The following AHDC1 variants were observed in gnomAD, a reference collection of about 807,000 sequenced individuals.
AHDC1 encodes the protein transcription factor Gibbin.
In AHDC1, 7 loss-of-function variants were observed where a neutral mutation model predicts 87.9. The observed-to-expected ratio is 0.08, with a 90% CI of 0.05 to 0.15. The LOEUF is 0.15. Ranked by LOEUF, AHDC1 falls within the 10% of genes least tolerant of loss-of-function variation. The pLI is 1.00. For synonymous variants in AHDC1, 1,051 were observed against 1,006.8 expected, an observed-to-expected ratio of 1.04 and a Z score of -0.83; for missense variants, 1,841 against 2,253.2, an observed-to-expected ratio of 0.82 and a Z score of 3.70.
chr1:27,549,579 G>A lies in AHDC1; in HGVS notation c.2537C>T (p.Ser846Leu), dbSNP rs749054616. The change falls in exon 8 of 9, where the codon TCG becomes TTG. Residue 846 changes from serine to leucine, a missense_variant. Physicochemically the swap from Ser to Leu is moderately radical, Grantham distance 145. Coordinates refer to ENST00000673934, the MANE Select transcript of AHDC1 (RefSeq NM_001371928.1). ...GTCCAAGAGATCGGAGGAGTCATCC[G>A]AATCGAGCAGCGAGCGAAAGTAGCC... ...FTGYFRSLLD[S>L]DDSSDLLDFA... 3.7e-6 allele frequency: 6 copies of A among 1,613,178 alleles called. No individual in the cohort carries two copies. The highest frequency in any genetic ancestry group is 2.2e-5 in the South Asian group (2 of 91,084).
At position 27,551,309 on chromosome 1, in the gene AHDC1, G is replaced by C. The variant is rs374019808; in HGVS notation, c.807C>G (p.Pro269=). 1.2e-6 allele frequency: 2 copies of C among 1,611,782 alleles called. No homozygotes were observed. The highest frequency in any genetic ancestry group is 4.5e-5 in the East Asian group (2 of 44,828). ...GGTCCAGGAGCTGAGGCTCCGGCTC[G>C]GGCGATGGTGGCTCGAGGGCCTGGG... ...LEAQALEPPS[P]EPEPQLLDPQ... Residue 269 remains proline, a synonymous_variant, in exon 8 of 9, where the codon CCC becomes CCG. Transcript: ENST00000673934.
intron 3 of AHDC1, among the ~76,000 whole-genome samples, chr1:27,585,707 C>A (rs1370429931): frequency 6.6e-6 from 1 of 152,116 alleles, no homozygotes; most frequent in African/African-American, 2.4e-5. Context: ...CCTCCAGAGG[C>A]AGAGGACCCC....
intron 3 of AHDC1, among the ~76,000 whole-genome samples, chr1:27,572,352 C>T (rs1019852951): frequency 6.6e-6 from 1 of 152,130 alleles, no homozygotes; most frequent in Non-Finnish European, 1.5e-5. Flanking sequence ...TGGGGCCCCC[C>T]TCTGTACAAA....
At chr1:27,591,217 C>A (rs2089212527) in intron 3 of AHDC1, among the ~76,000 whole-genome samples, 1 of 152,186 alleles carries the variant, frequency 6.6e-6, no homozygotes, top group Non-Finnish European at 1.5e-5. Context: ...GACCCCTGCA[C>A]CCTCCTAGAA....
In AHDC1 at chr1:27,595,750, T is replaced by C. The variant is rs574568274; in HGVS notation, c.-629+7647A>G. ...GATATCAGAGATGTGCCACAGGCTA[T>C]CGTCCGTGCATGCACAGGTATGAGG... On this transcript the variant is annotated intron_variant, in intron 3 of 8. Coordinates refer to ENST00000673934, the MANE Select transcript of AHDC1 (RefSeq NM_001371928.1). The surrounding 1 kb of genome is among the most constrained non-coding windows in gnomAD (Gnocchi z 4.0). 6.6e-6 allele frequency among the ~76,000 whole-genome samples: 1 copy of C among 152,038 alleles called. No individual in the cohort carries two copies. Among genetic ancestry groups the C allele is most frequent in the Admixed American group, 6.5e-5 (1 of 15,288 alleles).
rs372554739 is a variant in AHDC1, at chr1:27,551,021, C to T, written c.1095G>A (p.Leu365=). The change falls in exon 8 of 9, where the codon CTG becomes CTA. Residue 365 remains leucine (L), a synonymous_variant. Coordinates refer to ENST00000673934, the MANE Select transcript of AHDC1 (RefSeq NM_001371928.1). ...GGGGGCCGTGCGGTGAGCACAAGTC[C>T]AGGCGCAAGGGCTCGGCCAGTGGGC... ...GHCPLAEPLR[L]DLCSPHGPPG... The T allele has an allele frequency of 2.0e-5, 31 of 1,563,050 alleles. No homozygotes were observed. The East Asian group carries it at 6.8e-4, about 34-fold the overall frequency.
intron 3 of AHDC1, among the ~76,000 whole-genome samples, chr1:27,592,284 G>A (rs988838088): frequency 6.6e-6 from 1 of 152,078 alleles, no homozygotes; most frequent in African/African-American, 2.4e-5. Flanking sequence ...CACAGAGCCC[G>A]TCACCACCCA....
chr1:27,567,798 C>T (rs1162108995), intron 3 of AHDC1, among the ~76,000 whole-genome samples: 1 of 152,234 alleles, frequency 6.6e-6, no homozygotes, highest in Non-Finnish European at 1.5e-5. Context: ...CAACATCTCT[C>T]CCTCTTCACA....
chr1:27,552,271 A>C, intron 7 of AHDC1, 82 bp from the exon 8 acceptor site: 1 of 1,273,848 alleles, frequency 7.9e-7, no homozygotes, highest in Non-Finnish European at 1.0e-6. Context: ...GAGCTCCTGG[A>C]CCCCTCCCTC....
chr1:27,564,841 C>T (rs544982390), intron 3 of AHDC1, among the ~76,000 whole-genome samples: 32 of 152,238 alleles, frequency 2.1e-4, no homozygotes, highest in Non-Finnish European at 3.1e-4. Flanking sequence ...CCCATCATGA[C>T]CAGCAGCAGC....
In AHDC1 at chr1:27,547,023, C is replaced by A. The variant is rs2019197343; in HGVS notation, c.*43+238G>T. Among the ~76,000 whole-genome samples, 1 of 152,046 alleles carries A rather than the reference C, an allele frequency of 6.6e-6. No individual in the cohort carries two copies. The highest frequency in any genetic ancestry group is 1.5e-5 in the Non-Finnish European group (1 of 67,996). On this transcript the variant is annotated intron_variant, in intron 8 of 8. Transcript: ENST00000673934. This position sits in a 1 kb window ranked among gnomAD's most constrained non-coding sequence, Gnocchi z 4.9. Reference sequence around the variant, plus strand: ...GTAGTCCTCTGGCCATTTCAATTCACAAGACCCCCCCGAACGTTCAAGCCC... The same window carrying A: ...GTAGTCCTCTGGCCATTTCAATTCAAAAGACCCCCCCGAACGTTCAAGCCC...
At position 27,549,064 on chromosome 1, in the gene AHDC1, C is replaced by T. The variant is rs751537617; in HGVS notation, c.3052G>A (p.Ala1018Thr). The change falls in exon 8 of 9, where the codon GCC becomes ACC. Residue 1018 changes from alanine to threonine, a missense_variant. Physicochemically the swap from Ala to Thr is moderately conservative, Grantham distance 58. This residue lies in a region of AHDC1 where 378 missense variants were observed against 399.0 expected (regional missense o/e 0.95). Transcript: ENST00000673934. ...CCGGTAGGCGGTGGGGCATAGCCGG[C>T]GCTGTGGGCGCTGCTGGGTGAGGCA... ...LPASPSSAHS[A>T]GYAPPPTGGP... 6.0e-5 allele frequency: 94 copies of T among 1,565,946 alleles called. No homozygotes were observed. The highest frequency in any genetic ancestry group is 8.0e-5 in the Non-Finnish European group (92 of 1,155,744).
intron 5 of AHDC1, among the ~76,000 whole-genome samples, chr1:27,554,847 G>A (rs1297348168): frequency 6.6e-6 from 1 of 152,186 alleles, no homozygotes; most frequent in Non-Finnish European, 1.5e-5. Context: ...GGGGGACAGC[G>A]ATTTGCAATC....
In AHDC1 at chr1:27,598,855, G is replaced by C. The variant is rs575743044; in HGVS notation, c.-629+4542C>G. The stretch of plus-strand genomic sequence containing the variant: ...TCCACCGTCATGACATGAACGCAGA[G>C]ACCAGCACCCTACCTTGCACTGGTG... On this transcript the variant is annotated intron_variant, in intron 3 of 8. Transcript: ENST00000673934. This position sits in a 1 kb window ranked among gnomAD's most constrained non-coding sequence, Gnocchi z 4.2. Among the ~76,000 whole-genome samples the C allele has an allele frequency of 3.3e-5, 5 of 152,248 alleles. No homozygotes were observed. In the South Asian group the frequency reaches 1.0e-3, roughly 32 times the overall value.
intron 8 of AHDC1, among the ~76,000 whole-genome samples, chr1:27,536,305 C>T (rs1402899731): frequency 6.6e-6 from 1 of 152,254 alleles, no homozygotes; most frequent in African/African-American, 2.4e-5. Context: ...AGGTGGGCTC[C>T]TGCAGAGGCA....
intron 3 of AHDC1, among the ~76,000 whole-genome samples, chr1:27,569,454 A>G (rs2020474253): frequency 6.6e-6 from 1 of 152,080 alleles, no homozygotes; most frequent in East Asian, 1.9e-4. Flanking sequence ...GCCTCCCATC[A>G]CACCACCTTA....
intron 8 of AHDC1, among the ~76,000 whole-genome samples, chr1:27,543,460 TCTC>T (rs1161712478): frequency 3.3e-5 from 5 of 152,184 alleles, no homozygotes; most frequent in Non-Finnish European, 7.3e-5. Flanking sequence ...CCCCATTCTG[TCTC>T]CTCTGAGCTT....
rs1448558318 is a variant in AHDC1, at chr1:27,579,070, T to C, written c.-628-20187A>G. 2.0e-5 allele frequency among the ~76,000 whole-genome samples: 3 copies of C among 148,048 alleles called. No individual in the cohort carries two copies. The East Asian group carries it at 5.9e-4, about 29-fold the overall frequency. On this transcript the variant is annotated intron_variant, in intron 3 of 8. Coordinates refer to ENST00000673934, the MANE Select transcript of AHDC1 (RefSeq NM_001371928.1). Reference sequence around the variant, plus strand: ...TTTTTTTTTTTTTTTTTTAAGACAGTGTCTGGCTTTGTCACTCAGGCTAGA... The same window carrying C: ...TTTTTTTTTTTTTTTTTTAAGACAGCGTCTGGCTTTGTCACTCAGGCTAGA...
rs974221903 is a variant in AHDC1, at chr1:27,600,742, G to A, written c.-629+2655C>T. 4.8e-4 allele frequency among the ~76,000 whole-genome samples: 73 copies of A among 152,160 alleles called. 1 individual carries two copies. Among genetic ancestry groups the A allele is most frequent in the African/African-American group, 1.6e-3 (66 of 41,414 alleles). ...TCCAGCACAACCACAGCAATCAGGT[G>A]GAGACCCCATCTTTTAACCTTTTGA... On this transcript the variant is annotated intron_variant, in intron 3 of 8. Transcript: ENST00000673934.
Sources: allele counts gnomAD v4.1 joint callset (sites outside exome capture counted in the v4.1 genomes callset), GRCh38; gene constraint gnomAD v4.1.1; regional missense constraint gnomAD v4.1.1; non-coding constraint Gnocchi (gnomAD v3.1); transcripts MANE v1.5; gene names NCBI Gene and HGNC (gene_info 2026-07-23, HGNC 2026-07-21).